GRIA1: variants seen among roughly 807,000 people sequenced by gnomAD.
GRIA1 encodes the protein glutamate receptor 1.
GRIA1 carries 31 observed loss-of-function variants against 99.2 expected under a neutral mutation model. The observed-to-expected ratio is 0.31, with a 90% CI of 0.23 to 0.42. The LOEUF (loss-of-function observed/expected upper bound fraction) is 0.42, where lower values mean the gene tolerates loss of function less well. Ranked by LOEUF, GRIA1 falls within the 10% of genes least tolerant of loss-of-function variation. GRIA1 has a pLI of 1.00. For missense variants in GRIA1, 782 were observed against 1,157.5 expected, an observed-to-expected ratio of 0.68 and a Z score of 4.71; for synonymous variants, 438 against 432.4, an observed-to-expected ratio of 1.01 and a Z score of -0.16.
intron 2 of GRIA1, among the ~76,000 whole-genome samples, chr5:153,534,811 C>A (rs556874625): frequency 6.6e-6 from 1 of 152,234 alleles, no homozygotes; most frequent in South Asian, 2.1e-4. Flanking sequence ...AATGTCTGGC[C>A]CCTGTGGGAT....
chr5:153,641,900 C>A (rs1753799953), intron 2 of GRIA1, among the ~76,000 whole-genome samples: 3 of 152,172 alleles, frequency 2.0e-5, no homozygotes, highest in African/African-American at 7.2e-5. Context: ...GTCAAAGTGA[C>A]AATCCCAAAG....
At chr5:153,550,829 C>A (rs1219186889) in intron 2 of GRIA1, among the ~76,000 whole-genome samples, 3 of 152,144 alleles carry the variant, frequency 2.0e-5, no homozygotes, top group African/African-American at 7.2e-5. Context: ...AGATCCCACC[C>A]CCAGAGGTTC....
At chr5:153,634,261 T>C (rs2149439219) in intron 2 of GRIA1, among the ~76,000 whole-genome samples, 1 of 146,782 alleles carries the variant, frequency 6.8e-6, no homozygotes, top group Non-Finnish European at 1.5e-5. Flanking sequence ...GAGCTTGCAG[T>C]GAGCCGAGAT....
At chr5:153,693,511 G>T (rs1757902533) in intron 8 of GRIA1, among the ~76,000 whole-genome samples, 1 of 152,132 alleles carries the variant, frequency 6.6e-6, no homozygotes, top group South Asian at 2.1e-4. Flanking sequence ...ACCAATTTCT[G>T]AATTTGATTT....
intron 13 of GRIA1, among the ~76,000 whole-genome samples, chr5:153,788,706 G>A (rs1216224459): frequency 1.3e-5 from 2 of 152,114 alleles, no homozygotes; most frequent in Admixed American, 6.6e-5. Context: ...GCCTTACTAG[G>A]GCATGAACCA....
In GRIA1 at chr5:153,770,032, C is replaced by T. The variant is rs564890650; in HGVS notation, c.2023-136C>T. On this transcript the variant is annotated intron_variant, in intron 12 of 15. Transcript: ENST00000285900. ...TAATTAGAGCCTCTTATTTTGCAAT[C>T]ACTCATAATTTGTTTCTTCCTGAGC... The T allele has an allele frequency of 3.2e-5, 26 of 813,442 alleles. 1 individual carries two copies. In the African/African-American group the frequency reaches 4.3e-4, roughly 13 times the overall value. 50.4% of individuals were successfully genotyped at this position (813,442 alleles called of 1,614,324 possible).
chr5:153,500,993 C>T (rs969727937), intron 2 of GRIA1, among the ~76,000 whole-genome samples: 2 of 152,118 alleles, frequency 1.3e-5, no homozygotes, highest in Non-Finnish European at 2.9e-5. Flanking sequence ...TATTTCTATG[C>T]TGGCAGCATA....
intron 11 of GRIA1, among the ~76,000 whole-genome samples, chr5:153,723,983 G>A (rs951521089): frequency 6.6e-6 from 1 of 152,228 alleles, no homozygotes; most frequent in East Asian, 1.9e-4. Flanking sequence ...CAGCCTAACT[G>A]GGAGGCGCCC....
At chr5:153,578,148 C>CA (rs60901793) in intron 2 of GRIA1, among the ~76,000 whole-genome samples, 9,567 of 69,382 alleles carry the variant, frequency 0.14, 1,104 homozygotes, top group African/African-American at 0.17. Context: ...GAGACTCTGT[C>CA]AAAAAAAAAA....
chr5:153,581,526 T>G (rs1763041075), intron 2 of GRIA1, among the ~76,000 whole-genome samples: 1 of 152,144 alleles, frequency 6.6e-6, no homozygotes. Flanking sequence ...AAGCTCTTCA[T>G]GCCTGCACCA....
chr5:153,587,289 G>A (rs2149382354), intron 2 of GRIA1, among the ~76,000 whole-genome samples: 1 of 152,226 alleles, frequency 6.6e-6, no homozygotes, highest in South Asian at 2.1e-4. Context: ...TTTTTGCCAT[G>A]TGACATGCTT....
chr5:153,521,218 T>C (rs981538714), intron 2 of GRIA1, among the ~76,000 whole-genome samples: 4 of 152,246 alleles, frequency 2.6e-5, no homozygotes, highest in African/African-American at 9.6e-5. Flanking sequence ...GCTTAGGCTA[T>C]GCAGCAGACC....
rs188428768 is a variant in GRIA1 at position 153,592,028 on chromosome 5, T to G, written c.221-54900T>G. Among the ~76,000 whole-genome samples the G allele has an allele frequency of 1.5e-4, 23 of 151,958 alleles. No homozygotes were observed. The East Asian group carries it at 3.9e-3, about 25-fold the overall frequency. On this transcript the variant is annotated intron_variant, in intron 2 of 15. Coordinates refer to ENST00000285900, the MANE Select transcript of GRIA1 (RefSeq NM_000827.4). ...GGCAAAAACATCTCGGGCTTTATTC[T>G]TTTGCCCCACCTTAGTTTTTCTTTC...
At chr5:153,760,988 G>T (rs377423230) in intron 11 of GRIA1, among the ~76,000 whole-genome samples, 4 of 151,952 alleles carry the variant, frequency 2.6e-5, no homozygotes, top group African/African-American at 9.7e-5. Flanking sequence ...TGCAGAATTA[G>T]ACTAGATCCC....
chr5:153,509,796 C>T (rs1755884224), intron 2 of GRIA1, among the ~76,000 whole-genome samples: 1 of 152,188 alleles, frequency 6.6e-6, no homozygotes, highest in Non-Finnish European at 1.5e-5. Flanking sequence ...TAGCATAAGG[C>T]CTGGCATAGA....
In GRIA1 at chr5:153,688,087, G is replaced by A. The variant is rs146424640; in HGVS notation, c.1134+1758G>A. On this transcript the variant is annotated intron_variant, in intron 8 of 15. Transcript: ENST00000285900. ...TTTCTCCATATTCAAAACCAGCAATGTTACCTCTCTCTGACCCTTCTTCTA... is the reference window on the plus strand; with the variant it reads ...TTTCTCCATATTCAAAACCAGCAATATTACCTCTCTCTGACCCTTCTTCTA... Among the ~76,000 whole-genome samples, 497 of 152,246 alleles carry A rather than the reference G, an allele frequency of 3.3e-3. 4 individuals are homozygous for A. The highest frequency in any genetic ancestry group is 5.7e-3 in the Admixed American group (87 of 15,284).
In GRIA1 at chr5:153,742,787, A is replaced by G. The variant is rs185643298; in HGVS notation, c.1824-21647A>G. On this transcript the variant is annotated intron_variant, in intron 11 of 15. Transcript: ENST00000285900. ...TCTTCTTCTGTCTTACTCCTTGAGCAACTCTTCTGCCTTCCTCTTTCAATC... is the reference window on the plus strand; with the variant it reads ...TCTTCTTCTGTCTTACTCCTTGAGCGACTCTTCTGCCTTCCTCTTTCAATC... 4.6e-4 allele frequency among the ~76,000 whole-genome samples: 70 copies of G among 152,300 alleles called. No homozygotes were observed. In the East Asian group the frequency reaches 0.012, roughly 25 times the overall value.
chr5:153,561,721 G>T (rs1276913549), intron 2 of GRIA1, among the ~76,000 whole-genome samples: 1 of 152,168 alleles, frequency 6.6e-6, no homozygotes, highest in East Asian at 1.9e-4. Context: ...CAGTATAGGA[G>T]AATTGTATTA....
chr5:153,780,381 A>G (rs1006909693), intron 13 of GRIA1, among the ~76,000 whole-genome samples: 1 of 152,236 alleles, frequency 6.6e-6, no homozygotes, highest in Non-Finnish European at 1.5e-5. Context: ...AAGCTGCAGT[A>G]TCACCCTGAA....
Sources: allele counts gnomAD v4.1 joint callset (sites outside exome capture counted in the v4.1 genomes callset), GRCh38; gene constraint gnomAD v4.1.1; transcripts MANE v1.5; gene names NCBI Gene and HGNC (gene_info 2026-07-23, HGNC 2026-07-21).